PATJ: variants seen among roughly 807,000 people sequenced by gnomAD.
The protein encoded by PATJ is PATJ crumbs cell polarity complex component.
In PATJ, 190 loss-of-function variants were observed where a neutral mutation model predicts 224.9. That is an observed-to-expected ratio of 0.84 (90% CI 0.75 to 0.95). The LOEUF (loss-of-function observed/expected upper bound fraction) is 0.95, where lower values mean the gene tolerates loss of function less well. Ranked by LOEUF, PATJ falls within the 40% of genes least tolerant of loss-of-function variation. The pLI, the probability that PATJ is intolerant of heterozygous loss-of-function variation, is 0.00. For synonymous variants in PATJ, 769 were observed against 820.3 expected (o/e 0.94, Z 1.07); for missense variants, 2,121 against 2,270.3 (o/e 0.93, Z 1.34).
intron 27 of PATJ, among the ~76,000 whole-genome samples, chr1:61,978,868 G>A (rs1284428348): frequency 6.6e-6 from 1 of 151,974 alleles, no homozygotes; most frequent in Admixed American, 6.5e-5. Flanking sequence ...AAAATACTGG[G>A]CAGTGACTTG....
chr1:61,968,919 T>G (rs1682554676), intron 27 of PATJ, among the ~76,000 whole-genome samples: 1 of 152,222 alleles, frequency 6.6e-6, no homozygotes, highest in South Asian at 2.1e-4. Flanking sequence ...ACCATTACAG[T>G]TTCTGTTTCT....
At chr1:61,894,574 C>T (rs966363401) in intron 22 of PATJ, among the ~76,000 whole-genome samples, 12 of 152,262 alleles carry the variant, frequency 7.9e-5, no homozygotes, top group African/African-American at 2.9e-4. Context: ...TAAGATGTGC[C>T]TTGCTTCCCC....
At chr1:61,822,818 C>G in intron 14 of PATJ, 127 bp from the exon 15 acceptor site, 1 of 1,083,274 alleles carries the variant, frequency 9.2e-7, no homozygotes, top group East Asian at 2.4e-5. Flanking sequence ...TATTATTGTC[C>G]TCTTTTAGGA....
intron 14 of PATJ, among the ~76,000 whole-genome samples, chr1:61,819,031 G>T (rs1286810): frequency 0.89 from 136,076 of 152,192 alleles, 62,318 homozygotes; most frequent in Non-Finnish European, 0.99. Context: ...TTACCACCAT[G>T]TACTCATTTG....
intron 31 of PATJ, among the ~76,000 whole-genome samples, chr1:62,057,510 G>A (rs776336680): frequency 7.9e-5 from 12 of 152,278 alleles, no homozygotes; most frequent in East Asian, 3.9e-4. Flanking sequence ...AGGCCAGAGC[G>A]GACGCTGATG....
chr1:61,915,778 C>T (rs979830297), intron 26 of PATJ, among the ~76,000 whole-genome samples: 1 of 151,604 alleles, frequency 6.6e-6, no homozygotes, highest in Non-Finnish European at 1.5e-5. Context: ...CTCACTTCAA[C>T]CTCCACCTCC....
At chr1:61,890,204 CGTG>C (rs1669410571) in intron 22 of PATJ, among the ~76,000 whole-genome samples, 1 of 152,170 alleles carries the variant, frequency 6.6e-6, no homozygotes, top group Non-Finnish European at 1.5e-5. Flanking sequence ...ACAGGCCAGG[CGTG>C]GTGGCTCACG....
At chr1:61,964,561 G>A (rs1681801126) in intron 27 of PATJ, among the ~76,000 whole-genome samples, 1 of 152,000 alleles carries the variant, frequency 6.6e-6, no homozygotes, top group African/African-American at 2.4e-5. Flanking sequence ...GGCTATGATG[G>A]GAGGATTGCT....
At chr1:62,092,747 T>A (rs1204239091) in intron 33 of PATJ, among the ~76,000 whole-genome samples, 3 of 151,560 alleles carry the variant, frequency 2.0e-5, no homozygotes, top group Non-Finnish European at 4.4e-5. Flanking sequence ...TATTTATTTA[T>A]TTTTTTATTT....
rs1007635825 is a variant in PATJ, at chr1:62,115,872, A to AT, written c.4656-651dup. ...CCAAGTATTGTGCTGTCATAATTTC[A>AT]TTTTTTTTTACTTCAGCACCATAGA... is the stretch of plus-strand genomic sequence containing the variant. On this transcript the variant is annotated intron_variant, in intron 35 of 43. Transcript: ENST00000642238. Among the ~76,000 whole-genome samples the AT allele has an allele frequency of 6.2e-4, 93 of 150,732 alleles. No homozygotes were observed. The South Asian group carries it at 0.011, about 18-fold the overall frequency.
chr1:61,952,899 G>A (rs1679926133), intron 27 of PATJ, among the ~76,000 whole-genome samples: 1 of 152,192 alleles, frequency 6.6e-6, no homozygotes, highest in Non-Finnish European at 1.5e-5. Flanking sequence ...ATAGATGAAA[G>A]CAGAATATCA....
intron 25 of PATJ, among the ~76,000 whole-genome samples, chr1:61,912,497 C>T: frequency 6.6e-6 from 1 of 151,564 alleles, no homozygotes; most frequent in Non-Finnish European, 1.5e-5. Flanking sequence ...GGGAATGAGG[C>T]ACAAGAATTG....
chr1:61,821,287 C>T (rs978160341), intron 14 of PATJ, among the ~76,000 whole-genome samples: 3 of 151,998 alleles, frequency 2.0e-5, no homozygotes, highest in Non-Finnish European at 4.4e-5. Flanking sequence ...CCTTGTGATC[C>T]TCCCGCTCGG....
At chr1:61,940,398 ATG>A (rs1328600068) in intron 27 of PATJ, among the ~76,000 whole-genome samples, 1 of 152,106 alleles carries the variant, frequency 6.6e-6, no homozygotes, top group East Asian at 1.9e-4. Context: ...AAATTCTTCA[ATG>A]TGTGCCACAT....
chr1:61,921,207 A>T (rs1234291537), intron 26 of PATJ, among the ~76,000 whole-genome samples: 1 of 152,186 alleles, frequency 6.6e-6, no homozygotes, highest in African/African-American at 2.4e-5. Context: ...AATTACAGAC[A>T]TATACATGGG....
At chr1:61,989,399 G>T (rs1644941258) in intron 27 of PATJ, among the ~76,000 whole-genome samples, 1 of 152,162 alleles carries the variant, frequency 6.6e-6, no homozygotes, top group South Asian at 2.1e-4. Context: ...TTTGTGGAAT[G>T]AATTCAAATA....
chr1:61,894,272 CA>C (rs1553194681), intron 22 of PATJ, among the ~76,000 whole-genome samples: 3 of 144,588 alleles, frequency 2.1e-5, no homozygotes, highest in Non-Finnish European at 4.6e-5. Flanking sequence ...AAAAAAAACA[CA>C]AAAAAAAAAC....
intron 42 of PATJ, among the ~76,000 whole-genome samples, 187 bp from the exon 43 acceptor site, chr1:62,153,171 A>T (rs899121264): frequency 2.0e-5 from 3 of 152,212 alleles, no homozygotes; most frequent in Admixed American, 1.3e-4. Context: ...AATATTGGTG[A>T]TTAATTAGCA....
At chr1:62,029,001 A>G (rs1044497790) in intron 29 of PATJ, among the ~76,000 whole-genome samples, 4 of 152,194 alleles carry the variant, frequency 2.6e-5, no homozygotes, top group Non-Finnish European at 5.9e-5. Flanking sequence ...ACATACACGT[A>G]TACCAGGGTT....
Sources: gnomAD v4.1 joint callset for allele counts (sites outside exome capture counted in the v4.1 genomes callset) on GRCh38, gnomAD v4.1.1 for gene constraint, MANE v1.5 for transcripts, NCBI Gene and HGNC (gene_info 2026-07-23, HGNC 2026-07-21) for gene names.